PREX1: variants seen among roughly 807,000 people sequenced by gnomAD.
PREX1 encodes the protein phosphatidylinositol-3,4,5-trisphosphate dependent Rac exchange factor 1.
A neutral mutation model predicts 198.3 loss-of-function variants in PREX1; 41 were observed. The ratio of observed to expected loss-of-function variants is 0.21; its 90% confidence interval spans 0.16 to 0.27. The LOEUF is 0.27. Ranked by LOEUF, PREX1 falls within the 10% of genes least tolerant of loss-of-function variation. The pLI is 1.00. For missense variants in PREX1, 1,620 were observed against 2,200.7 expected (o/e 0.74, Z 5.28); for synonymous variants, 843 against 887.2 (o/e 0.95, Z 0.89).
chr20:48,862,881 G>GTGCAA, the PREX1 span, among the ~76,000 whole-genome samples: 1 of 149,868 alleles, frequency 6.7e-6, no homozygotes, highest in Non-Finnish European at 1.5e-5. Flanking sequence ...GAGCACAGTG[G>GTGCAA]TGCAATCACA....
At chr20:48,796,794 A>G (rs2090364941) in intron 1 of PREX1, among the ~76,000 whole-genome samples, 1 of 150,842 alleles carries the variant, frequency 6.6e-6, no homozygotes, top group Non-Finnish European at 1.5e-5. Context: ...ATATACACAT[A>G]TAATTATATA....
In PREX1 at chr20:48,691,539, A is replaced by G. The variant is rs546014085; in HGVS notation, c.1037-443T>C. Reference sequence around the variant, plus strand: ...TGGAAAACCTCTCAAACAGATTGGCATGATCTAGGGAAGCGAAAGCCTGAA... The same window carrying G: ...TGGAAAACCTCTCAAACAGATTGGCGTGATCTAGGGAAGCGAAAGCCTGAA... On this transcript the variant is annotated intron_variant, in intron 8 of 39. Transcript: ENST00000371941. This position sits in a 1 kb window ranked among gnomAD's most constrained non-coding sequence, Gnocchi z 5.0. Among the ~76,000 whole-genome samples, 26 of 152,284 alleles carry G rather than the reference A, an allele frequency of 1.7e-4. No individual in the cohort carries two copies. In the South Asian group the frequency reaches 5.4e-3, roughly 32 times the overall value.
the PREX1 span, among the ~76,000 whole-genome samples, chr20:48,837,660 C>T: frequency 6.6e-6 from 1 of 152,012 alleles, no homozygotes; most frequent in East Asian, 1.9e-4. Flanking sequence ...GACACTAGGG[C>T]CTACTTGAGG....
At chr20:48,647,719 G>C (rs529915976) in intron 25 of PREX1, among the ~76,000 whole-genome samples, 1 of 152,210 alleles carries the variant, frequency 6.6e-6, no homozygotes, top group Admixed American at 6.5e-5. Flanking sequence ...GCAGGGCCAG[G>C]ATTTGAACCC....
intron 23 of PREX1, 32 bp downstream of exon 23, chr20:48,650,862 T>C (rs779327986): frequency 1.2e-6 from 2 of 1,611,082 alleles, no homozygotes; most frequent in Non-Finnish European, 1.7e-6. Flanking sequence ...CTGGGACCTG[T>C]GGCAGAGACC....
In PREX1 at chr20:48,708,323, G is replaced by C; in HGVS notation, c.720C>G (p.Thr240=). ...CTTCCAGCTTCTCCATCTGCCGCTT[G>C]GTCTCATTGATGTTGGAGCAAACGG... The part of the protein sequence containing the change: ...MKTVCSNINE[T]KRQMEKLEAL... Residue 240 remains threonine (T), a synonymous_variant, in exon 6 of 40, where the codon ACC becomes ACG. Coordinates refer to ENST00000371941, the MANE Select transcript of PREX1 (RefSeq NM_020820.4). 1 of 1,614,084 alleles carries C rather than the reference G, an allele frequency of 6.2e-7. No homozygotes were observed. The highest frequency in any genetic ancestry group is 8.5e-7 in the Non-Finnish European group (1 of 1,180,024).
At chr20:48,814,442 G>A (rs1270953083) in intron 1 of PREX1, among the ~76,000 whole-genome samples, 1 of 152,206 alleles carries the variant, frequency 6.6e-6, no homozygotes, top group African/African-American at 2.4e-5. Context: ...CTTGAGCTGA[G>A]AGCTGAAAGA....
chr20:48,873,627 G>A, the PREX1 span, among the ~76,000 whole-genome samples: 1 of 151,514 alleles, frequency 6.6e-6, no homozygotes, highest in Non-Finnish European at 1.5e-5. Flanking sequence ...GGCTGAGGCA[G>A]GAGAATAGCT....
intron 4 of PREX1, among the ~76,000 whole-genome samples, chr20:48,734,324 A>G (rs2090047579): frequency 6.6e-6 from 1 of 152,168 alleles, no homozygotes; most frequent in South Asian, 2.1e-4. Context: ...CAATGGCATG[A>G]GCTGAGTCGT....
chr20:48,726,448 C>A (rs1348652526), intron 4 of PREX1, 57 bp from the exon 5 acceptor site: 2 of 1,241,726 alleles, frequency 1.6e-6, no homozygotes, highest in Non-Finnish European at 1.2e-6. Flanking sequence ...AGGGACATAG[C>A]CACCCTCAAC....
In PREX1 at chr20:48,668,295, G is replaced by C. The variant is rs538149010; in HGVS notation, c.1666-1940C>G. On this transcript the variant is annotated intron_variant, in intron 14 of 39. Coordinates refer to ENST00000371941, the MANE Select transcript of PREX1 (RefSeq NM_020820.4). Reference sequence around the variant, plus strand: ...ACGGCCGACCAGGGGAGGACAAGCTGAGTCAGGCCCGTGGGGGCCAGGAGC... The same window carrying C: ...ACGGCCGACCAGGGGAGGACAAGCTCAGTCAGGCCCGTGGGGGCCAGGAGC... Among the ~76,000 whole-genome samples the C allele has an allele frequency of 5.0e-4, 76 of 152,336 alleles. 1 individual carries two copies. The highest frequency in any genetic ancestry group is 1.8e-3 in the African/African-American group (75 of 41,572).
intron 1 of PREX1, among the ~76,000 whole-genome samples, chr20:48,764,223 AAG>A (rs2090197705): frequency 6.6e-6 from 1 of 152,146 alleles, no homozygotes; most frequent in African/African-American, 2.4e-5. Flanking sequence ...TCCAACGTGA[AAG>A]GAGGGAGAAC....
At chr20:48,766,533 C>T (rs1168071518) in intron 1 of PREX1, among the ~76,000 whole-genome samples, 3 of 152,188 alleles carry the variant, frequency 2.0e-5, no homozygotes, top group Non-Finnish European at 4.4e-5. Context: ...TGCTCCTGCC[C>T]CCAGGCCTCA....
At chr20:48,777,309 C>T (rs543857590) in intron 1 of PREX1, among the ~76,000 whole-genome samples, 32 of 152,166 alleles carry the variant, frequency 2.1e-4, no homozygotes, top group Non-Finnish European at 4.0e-4. Flanking sequence ...GGCCCAGGAG[C>T]CCCCGGCCAC....
At chr20:48,870,032 C>A in the PREX1 span, among the ~76,000 whole-genome samples, 1 of 152,112 alleles carries the variant, frequency 6.6e-6, no homozygotes, top group Admixed American at 6.6e-5. Context: ...ATAAAATAAA[C>A]AATGCTGCCT....
rs145658196 is a variant in PREX1, at chr20:48,659,500, C to T, written c.1881+419G>A. ...TACTATGGGAGAGAAGTTAATGGAG[C>T]CGTCTTCATATGAGTCAGGCTTCAG... On this transcript the variant is annotated intron_variant, in intron 16 of 39. Transcript: ENST00000371941. Among the ~76,000 whole-genome samples the T allele has an allele frequency of 5.5e-4, 84 of 152,138 alleles. No individual in the cohort carries two copies. In the East Asian group the frequency reaches 0.016, roughly 28 times the overall value.
Position 48,691,077 on chromosome 20 carries a change from G to C in PREX1, c.1056C>G (p.Gly352=). The part of the protein sequence containing the change: ...EDGTADYHSN[G]YTVTNGWKIH... ...TCTTCCAGCCGTTGGTGACGGTATAGCCGTTGCTATGGTAATCCGCTGGTG... is the reference window on the plus strand; with the variant it reads ...TCTTCCAGCCGTTGGTGACGGTATACCCGTTGCTATGGTAATCCGCTGGTG... The change falls in exon 9 of 40, where the codon GGC becomes GGG. Residue 352 remains glycine, a synonymous_variant. Coordinates refer to ENST00000371941, the MANE Select transcript of PREX1 (RefSeq NM_020820.4). The surrounding 1 kb of genome is among the most constrained non-coding windows in gnomAD (Gnocchi z 5.0). 1 of 1,614,232 alleles carries C rather than the reference G, an allele frequency of 6.2e-7. No homozygotes were observed. The highest frequency in any genetic ancestry group is 1.7e-5 in the Admixed American group (1 of 60,030).
chr20:48,808,963 T>C (rs879279977), intron 1 of PREX1, among the ~76,000 whole-genome samples: 4 of 152,218 alleles, frequency 2.6e-5, no homozygotes, highest in Admixed American at 6.5e-5. Flanking sequence ...GAGTCTTCAA[T>C]AGAAGAGAAA....
intron 3 of PREX1, among the ~76,000 whole-genome samples, chr20:48,741,754 G>C (rs1213464253): frequency 4.6e-5 from 7 of 152,246 alleles, no homozygotes; most frequent in African/African-American, 1.7e-4. Context: ...GGCCTTTGCG[G>C]AGAAGATGGC....
Sources: gnomAD v4.1 joint callset for allele counts (sites outside exome capture counted in the v4.1 genomes callset) on GRCh38, gnomAD v4.1.1 for gene constraint, Gnocchi (gnomAD v3.1) non-coding constraint, MANE v1.5 for transcripts, NCBI Gene and HGNC (gene_info 2026-07-23, HGNC 2026-07-21) for gene names.